The following SGO1 variants were observed in gnomAD, a reference collection of about 807,000 sequenced individuals.
SGO1 encodes the protein shugoshin 1, also known as serologically defined breast cancer antigen NY-BR-85.
Under a neutral mutation model 50.5 loss-of-function variants are expected in SGO1, and 39 were observed. That is an observed-to-expected ratio of 0.77 (90% confidence interval 0.60 to 1.01). SGO1 has a LOEUF of 1.01. Among genes scored for constraint, SGO1 ranks in the 50% least tolerant of loss-of-function variants. SGO1 has a pLI of 0.00. For missense variants in SGO1, 638 were observed against 606.0 expected (o/e 1.05, Z -0.55); for synonymous variants, 191 against 205.1 (o/e 0.93, Z 0.59).
At chr3:20,177,721 A>C (rs1701560108) in intron 4 of SGO1, among the ~76,000 whole-genome samples, 1 of 152,326 alleles carries the variant, frequency 6.6e-6, no homozygotes, top group South Asian at 2.1e-4. Context: ...TCAAATTGTA[A>C]CTGTGATCTG....
intron 5 of SGO1, 109 bp from the exon 6 acceptor site, chr3:20,175,164 G>C: frequency 9.0e-7 from 1 of 1,111,046 alleles, no homozygotes; most frequent in Non-Finnish European, 1.2e-6. Flanking sequence ...AGGTCATTCT[G>C]TAGTTTTCCT....
At chr3:20,168,875 T>C (rs1700454661), downstream of SGO1, 1 of 859,534 alleles carries the variant, frequency 1.2e-6, no homozygotes, top group Non-Finnish European at 1.4e-6. Context: ...TCTCGTGATC[T>C]GCCCGCCTTG....
chr3:20,161,339 T>G (rs1459542795), intron 8 of SGO1: 3 of 1,379,492 alleles, frequency 2.2e-6, no homozygotes, highest in Non-Finnish European at 2.8e-6. Context: ...CAATAAAAAA[T>G]TAGAAAATAT....
chr3:20,183,001 G>C, intron 3 of SGO1, among the ~76,000 whole-genome samples: 1 of 151,720 alleles, frequency 6.6e-6, no homozygotes, highest in East Asian at 1.9e-4. Flanking sequence ...CTGGGCGACT[G>C]AGGGAGACGC....
At chr3:20,178,696 G>T (rs574568445) in intron 3 of SGO1, among the ~76,000 whole-genome samples, 1 of 152,216 alleles carries the variant, frequency 6.6e-6, no homozygotes, top group South Asian at 2.1e-4. Flanking sequence ...AAAGGAGCTA[G>T]CCACTGAAAG....
Position 20,169,694 on chromosome 3 carries a change from A to G in SGO1, c.*1010T>C, listed in dbSNP as rs1700524935. The G allele has an allele frequency of 1.1e-6, 1 of 916,360 alleles. No homozygotes were observed. The allele number at this position is 916,360 out of a possible 1,614,324, so 56.8% of individuals were successfully genotyped here. A position where few individuals can be genotyped will look rare whatever the true frequency, so the allele number is the denominator to read the frequency against. On this transcript the variant is annotated 3_prime_UTR_variant, in exon 8 of 8. Coordinates refer to ENST00000412997, the MANE Select transcript of SGO1 (RefSeq NM_001199251.3). ...TAAGGAGCTACCCTGAAAGTACATG[A>G]CATTTGTAATTTTATGGAGACATCA... is the stretch of plus-strand genomic sequence containing the variant.
At chr3:20,168,936 T>G, downstream of SGO1, 1 of 985,184 alleles carries the variant, frequency 1.0e-6, no homozygotes, top group Non-Finnish European at 1.2e-6. Flanking sequence ...CGTGCCTGGC[T>G]GAGAAACTGA....
intron 3 of SGO1, among the ~76,000 whole-genome samples, chr3:20,180,722 A>G (rs1701919541): frequency 6.6e-6 from 1 of 152,226 alleles, no homozygotes; most frequent in South Asian, 2.1e-4. Flanking sequence ...AATTCCTAAG[A>G]AGCCAATTCT....
chr3:20,169,778 C>A lies in SGO1; in HGVS notation c.*926G>T. The A allele has an allele frequency of 1.0e-6, 1 of 957,624 alleles. No individual in the cohort carries two copies. The highest frequency in any genetic ancestry group is 1.2e-6 in the Non-Finnish European group (1 of 804,686). The allele number at this position is 957,624 out of a possible 1,614,324, so 59.3% of individuals were successfully genotyped here. ...ATTAGTCACTTATCTTGTCCCTGAG[C>A]CTAAAAAAGAATCAATTTCTCTAGT... is the stretch of plus-strand genomic sequence containing the variant. On this transcript the variant is annotated 3_prime_UTR_variant, in exon 8 of 8. Coordinates refer to ENST00000412997, the MANE Select transcript of SGO1 (RefSeq NM_001199251.3).
At chr3:20,175,095 T>C (rs569901456) in intron 5 of SGO1, 40 bp from the exon 6 acceptor site, 2 of 1,363,964 alleles carry the variant, frequency 1.5e-6, no homozygotes, top group South Asian at 2.3e-5. Flanking sequence ...TAGTTTTACT[T>C]TGTGGAAATT....
chr3:20,169,157 A>AAAG (rs1408370725), downstream of SGO1: 1 of 985,278 alleles, frequency 1.0e-6, no homozygotes, highest in Non-Finnish European at 1.2e-6. Flanking sequence ...TAGAATACAG[A>AAAG]AAGATAGGGA....
rs1272719999 is a variant in SGO1, at chr3:20,183,777, T to C, written c.170A>G (p.Tyr57Cys). ...ITNTSTLLKN[Y>C]QDNNKMLVLA... is the part of the protein sequence containing the mutation. ...AACTAACATTTTGTTGTTGTCTTGGTAATTTTTCAGCAGTGTAGAAGTGTT... is the reference window on the plus strand; with the variant it reads ...AACTAACATTTTGTTGTTGTCTTGGCAATTTTTCAGCAGTGTAGAAGTGTT... Residue 57 changes from tyrosine (Y) to cysteine (C), a missense_variant, in exon 3 of 8, where the codon TAC (tyrosine) becomes TGC (cysteine). Tyr to Cys is a radical substitution (Grantham distance 194). Coordinates refer to ENST00000412997, the MANE Select transcript of SGO1 (RefSeq NM_001199251.3). 2 of 1,611,510 alleles carry C rather than the reference T, an allele frequency of 1.2e-6. No homozygotes were observed. The highest frequency in any genetic ancestry group is 1.7e-6 in the Non-Finnish European group (2 of 1,179,430).
chr3:20,176,167 A>G (rs1040106079), intron 5 of SGO1, among the ~76,000 whole-genome samples: 9 of 152,228 alleles, frequency 5.9e-5, no homozygotes, highest in African/African-American at 2.2e-4. Flanking sequence ...AAAAGTAGTA[A>G]GAAAGGGATG....
chr3:20,170,186 G>A lies in SGO1; in HGVS notation c.*518C>T, dbSNP rs1196092131. The A allele has an allele frequency of 2.4e-6, 2 of 828,354 alleles. No homozygotes were observed. Among genetic ancestry groups the A allele is most frequent in the African/African-American group, 3.7e-5 (2 of 54,016 alleles). The allele number at this position is 828,354 out of a possible 1,614,324, so 51.3% of individuals were successfully genotyped here. Reference sequence around the variant, plus strand: ...GGCCGAGGTGGGCAGATCACCTGAGGTTGGGAGTTTGAGAGCAACCTGACC... The same window carrying A: ...GGCCGAGGTGGGCAGATCACCTGAGATTGGGAGTTTGAGAGCAACCTGACC... On this transcript the variant is annotated 3_prime_UTR_variant, in exon 8 of 8. Transcript: ENST00000412997.
intron 3 of SGO1, 66 bp from the exon 4 acceptor site, chr3:20,178,413 CAACAATATGCACTTGTTG>C (rs773320233): frequency 1.5e-4 from 166 of 1,138,916 alleles, no homozygotes; most frequent in Non-Finnish European, 2.1e-4. Flanking sequence ...TTAATTTATT[CAACAATATGCACTTGTTG>C]ACAGTCTATC....
Position 20,170,445 on chromosome 3 carries a change from C to A in SGO1, c.*259G>T. On this transcript the variant is annotated 3_prime_UTR_variant, in exon 8 of 8. Transcript: ENST00000412997. ...TTCGACTAAAATTAAGAGGTTTAGGCAGCATAAGAAATCGATATGATGATA... is the reference window on the plus strand; with the variant it reads ...TTCGACTAAAATTAAGAGGTTTAGGAAGCATAAGAAATCGATATGATGATA... 1 of 1,040,032 alleles carries A rather than the reference C, an allele frequency of 9.6e-7. No individual in the cohort carries two copies. Among genetic ancestry groups the A allele is most frequent in the Non-Finnish European group, 1.2e-6 (1 of 866,232 alleles). The allele number at this position is 1,040,032 out of a possible 1,614,324, so 64.4% of individuals were successfully genotyped here.
chr3:20,170,630 G>C lies in SGO1; in HGVS notation c.*74C>G, dbSNP rs1253445237. ...TATGGCAATGGCTCACTCTGTTTGT[G>C]TACTCTTACAGATCCTCTCCTGAAG... On this transcript the variant is annotated 3_prime_UTR_variant, in exon 8 of 8. Coordinates refer to ENST00000412997, the MANE Select transcript of SGO1 (RefSeq NM_001199251.3). The C allele has an allele frequency of 1.4e-6, 2 of 1,449,374 alleles. No homozygotes were observed. The highest frequency in any genetic ancestry group is 1.8e-6 in the Non-Finnish European group (2 of 1,108,988). The allele number at this position is 1,449,374 out of a possible 1,614,324, so 89.8% of individuals were successfully genotyped here.
downstream of SGO1, chr3:20,169,363 AC>A (rs376234122): frequency 2.6e-4 from 254 of 975,622 alleles, no homozygotes; most frequent in East Asian, 9.2e-4. Context: ...CACCTAGAAC[AC>A]CCCCCCCTCA....
chr3:20,185,448 AAGAC>A (rs1376951160), intron 1 of SGO1, among the ~76,000 whole-genome samples: 2 of 152,158 alleles, frequency 1.3e-5, no homozygotes, highest in African/African-American at 4.8e-5. Flanking sequence ...GATGAAAGCA[AAGAC>A]AGACCACAGC....
Sources: gnomAD v4.1 joint callset for allele counts (sites outside exome capture counted in the v4.1 genomes callset) on GRCh38, gnomAD v4.1.1 for gene constraint, MANE v1.5 for transcripts, NCBI Gene and HGNC (gene_info 2026-07-23, HGNC 2026-07-21) for gene names.